Variants in USP47 observed in about 807,000 individuals in gnomAD.
The protein encoded by USP47 is ubiquitin specific peptidase 47.
In USP47, 35 loss-of-function variants were observed where a neutral mutation model predicts 165.1. The ratio of observed to expected loss-of-function variants is 0.21; its 90% CI spans 0.16 to 0.28. The LOEUF is 0.28. Among genes scored for constraint, USP47 ranks in the 10% least tolerant of loss-of-function variants. The pLI, the probability that USP47 is intolerant of heterozygous loss-of-function variation, is 1.00. For missense variants in USP47, 1,277 were observed against 1,607.4 expected, an observed-to-expected ratio of 0.79 and a Z score of 3.52; for synonymous variants, 531 against 544.5, an observed-to-expected ratio of 0.98 and a Z score of 0.35.
chr11:11,880,746 G>A (rs1850772641), intron 2 of USP47, among the ~76,000 whole-genome samples: 1 of 151,944 alleles, frequency 6.6e-6, no homozygotes, highest in African/African-American at 2.4e-5. Context: ...TCTGATTTTT[G>A]GAAAAGAAGA....
At position 11,956,233 on chromosome 11, in the gene USP47, A is replaced by C; in HGVS notation, c.*58A>C. 1 of 1,591,892 alleles carries C rather than the reference A, an allele frequency of 6.3e-7. No individual in the cohort carries two copies. The highest frequency in any genetic ancestry group is 8.6e-7 in the Non-Finnish European group (1 of 1,165,804). ...TTTGGTTTTAATTAGATGGTTCACT[A>C]CCACTGGGTAGTGCCATTTTGGCCG... On this transcript the variant is annotated 3_prime_UTR_variant, in exon 28 of 28. Transcript: ENST00000527733.
At chr11:11,899,948 A>G (rs1262360036) in intron 5 of USP47, among the ~76,000 whole-genome samples, 1 of 152,054 alleles carries the variant, frequency 6.6e-6, no homozygotes. Context: ...GAGTAGCGCT[A>G]CCATGAAAGG....
intron 11 of USP47, among the ~76,000 whole-genome samples, chr11:11,926,420 G>A (rs907837171): frequency 4.6e-5 from 7 of 151,996 alleles, no homozygotes; most frequent in African/African-American, 9.7e-5. Context: ...GCTGTTAAAC[G>A]TTTGTAGAAA....
intron 2 of USP47, among the ~76,000 whole-genome samples, chr11:11,880,852 G>A (rs1303392056): frequency 6.6e-6 from 1 of 152,026 alleles, no homozygotes; most frequent in Non-Finnish European, 1.5e-5. Flanking sequence ...TTTTATTTGT[G>A]TGTCTATGTG....
In USP47 at chr11:11,959,474, G is replaced by A. The variant is rs1283708857; in HGVS notation, c.*3299G>A. Reference sequence around the variant, plus strand: ...CAGTTTTTATGAGGGTTTCAAAGGAGTTCATGGCCCAAATGAAGCTTGTGG... The same window carrying A: ...CAGTTTTTATGAGGGTTTCAAAGGAATTCATGGCCCAAATGAAGCTTGTGG... On this transcript the variant is annotated 3_prime_UTR_variant, in exon 28 of 28. Coordinates refer to ENST00000527733, the MANE Select transcript of USP47 (RefSeq NM_001282659.2). Among the ~76,000 whole-genome samples the A allele has an allele frequency of 6.6e-6, 1 of 152,154 alleles. No individual in the cohort carries two copies. Among genetic ancestry groups the A allele is most frequent in the Non-Finnish European group, 1.5e-5 (1 of 68,038 alleles).
At chr11:11,935,829 T>C (rs965758865) in intron 16 of USP47, among the ~76,000 whole-genome samples, 2 of 151,954 alleles carry the variant, frequency 1.3e-5, no homozygotes, top group African/African-American at 4.8e-5. Context: ...CCAAACCCTT[T>C]GTGATGGCTT....
intron 26 of USP47, 37 bp downstream of exon 26, chr11:11,954,981 A>C: frequency 2.5e-6 from 4 of 1,613,734 alleles, no homozygotes; most frequent in Non-Finnish European, 3.4e-6. Flanking sequence ...TGTATTGTGC[A>C]TGATAAACAC....
At chr11:11,853,127 T>A (rs1848820612) in intron 1 of USP47, among the ~76,000 whole-genome samples, 1 of 151,800 alleles carries the variant, frequency 6.6e-6, no homozygotes, top group South Asian at 2.1e-4. Context: ...AAAGGAGGAG[T>A]TCCTGCATCT....
At chr11:11,843,531 C>T (rs1274840784) in intron 1 of USP47, among the ~76,000 whole-genome samples, 1 of 152,090 alleles carries the variant, frequency 6.6e-6, no homozygotes, top group Non-Finnish European at 1.5e-5. Flanking sequence ...TACTTTACCA[C>T]GTAAGTAATT....
intron 1 of USP47, among the ~76,000 whole-genome samples, chr11:11,857,331 A>G (rs1341547780): frequency 1.3e-5 from 2 of 152,096 alleles, no homozygotes; most frequent in African/African-American, 4.8e-5. Flanking sequence ...ATATCTATTT[A>G]TAGTACTTTG....
At chr11:11,872,306 A>G (rs996207291) in intron 1 of USP47, among the ~76,000 whole-genome samples, 17 of 152,078 alleles carry the variant, frequency 1.1e-4, no homozygotes, top group African/African-American at 3.9e-4. Context: ...AACAGTAAGG[A>G]GCTGAGGGCC....
At position 11,956,295 on chromosome 11, in the gene USP47, T is replaced by C. The variant is rs765324543; in HGVS notation, c.*120T>C. 12 of 1,054,898 alleles carry C rather than the reference T, an allele frequency of 1.1e-5. No homozygotes were observed. Among genetic ancestry groups the C allele is most frequent in the South Asian group, 4.6e-5 (3 of 64,690 alleles). 65.3% of individuals were successfully genotyped at this position (1,054,898 alleles called of 1,614,324 possible). ...GGTAACCCAGTGACACCAGCACTGATTGGACTGCCCTACACCAATCAGAAG... is the reference window on the plus strand; with the variant it reads ...GGTAACCCAGTGACACCAGCACTGACTGGACTGCCCTACACCAATCAGAAG... On this transcript the variant is annotated 3_prime_UTR_variant, in exon 28 of 28. Coordinates refer to ENST00000527733, the MANE Select transcript of USP47 (RefSeq NM_001282659.2).
rs537127358 is a variant in USP47 at position 11,896,072 on chromosome 11, T to A, written c.497-1525T>A. Among the ~76,000 whole-genome samples the A allele has an allele frequency of 5.2e-4, 79 of 152,306 alleles. 1 individual carries two copies. Among genetic ancestry groups the A allele is most frequent in the Admixed American group, 3.5e-3 (54 of 15,298 alleles). ...TAGTGTCACCAAAATCGTCATACTT[T>A]TGGAAAATAGTACATTTATGTGACA... is the stretch of plus-strand genomic sequence containing the variant. On this transcript the variant is annotated intron_variant, in intron 4 of 27. Coordinates refer to ENST00000527733, the MANE Select transcript of USP47 (RefSeq NM_001282659.2).
chr11:11,860,652 T>C (rs1849328375), intron 1 of USP47, among the ~76,000 whole-genome samples: 2 of 152,216 alleles, frequency 1.3e-5, no homozygotes, highest in South Asian at 4.1e-4. Flanking sequence ...ACAAGTCAGT[T>C]ATTTCACAAG....
intron 1 of USP47, among the ~76,000 whole-genome samples, chr11:11,863,598 A>G (rs1047278415): frequency 3.9e-5 from 6 of 152,158 alleles, no homozygotes; most frequent in African/African-American, 1.4e-4. Flanking sequence ...ACTGTTCTTT[A>G]ATCTTTACTG....
chr11:11,848,847 G>A (rs1848573196), intron 1 of USP47, among the ~76,000 whole-genome samples: 2 of 152,136 alleles, frequency 1.3e-5, no homozygotes, highest in East Asian at 3.9e-4. Flanking sequence ...TTGACCTCGT[G>A]ATACGCCTGC....
At position 11,854,377 on chromosome 11, in the gene USP47, T is replaced by C. The variant is rs1848908590; in HGVS notation, c.39+12153T>C. On this transcript the variant is annotated intron_variant, in intron 1 of 27. Transcript: ENST00000527733. ...GGTTCAAATACCAGCTGTCTGACAT[T>C]GGACAAATTCCTTAACCTGTCAGTA... 1.4e-5 allele frequency among the ~76,000 whole-genome samples: 2 copies of C among 147,114 alleles called. 1 individual carries two copies. Among genetic ancestry groups the C allele is most frequent in the Admixed American group, 1.4e-4 (2 of 14,690 alleles).
chr11:11,856,226 A>G (rs191515014), intron 1 of USP47, among the ~76,000 whole-genome samples: 321 of 152,322 alleles, frequency 2.1e-3, no homozygotes, highest in Admixed American at 3.4e-3. Flanking sequence ...TTTTCCCCAG[A>G]AAAAGTCAAC....
intron 2 of USP47, among the ~76,000 whole-genome samples, chr11:11,884,002 T>C (rs1850997571): frequency 6.6e-6 from 1 of 152,174 alleles, no homozygotes; most frequent in African/African-American, 2.4e-5. Flanking sequence ...ACATAATTAT[T>C]TTGGTTGGGT....
Sources: allele counts gnomAD v4.1 joint callset (sites outside exome capture counted in the v4.1 genomes callset), GRCh38; gene constraint gnomAD v4.1.1; transcripts MANE v1.5; gene names NCBI Gene and HGNC (gene_info 2026-07-23, HGNC 2026-07-21).